RANBP2: variants seen among roughly 807,000 people sequenced by gnomAD.
The protein encoded by RANBP2 is RAN binding protein 2.
A neutral mutation model predicts 303.6 loss-of-function variants in RANBP2; 57 were observed. That is an observed-to-expected ratio of 0.19 (90% confidence interval 0.15 to 0.23). RANBP2 has a LOEUF of 0.23. RANBP2 is among the 10% of genes least tolerant of loss of function. RANBP2 has a pLI of 1.00. For missense variants in RANBP2, 3,138 were observed against 3,780.8 expected, an observed-to-expected ratio of 0.83 and a Z score of 4.46; for synonymous variants, 1,167 against 1,301.5, an observed-to-expected ratio of 0.90 and a Z score of 2.23.
At chr2:109,430,676 C>G in the RANBP2 span, among the ~76,000 whole-genome samples, 8 of 152,194 alleles carry the variant, frequency 5.3e-5, no homozygotes, top group African/African-American at 1.9e-4. Context: ...GGTATTTCCT[C>G]TATGGTGATG....
the RANBP2 span, among the ~76,000 whole-genome samples, chr2:108,893,216 C>CCTGT: frequency 0.87 from 132,655 of 151,896 alleles, 58,290 homozygotes; most frequent in East Asian, 1. Context: ...TTTTAAACTT[C>CCTGT]CTGTTACTTG....
At chr2:109,420,994 T>G in the RANBP2 span, among the ~76,000 whole-genome samples, 1 of 152,222 alleles carries the variant, frequency 6.6e-6, no homozygotes, top group Admixed American at 6.5e-5. Context: ...TCCAGATGCC[T>G]TGAGACTGAT....
the RANBP2 span, among the ~76,000 whole-genome samples, chr2:109,344,397 G>A: frequency 1.3e-5 from 2 of 152,220 alleles, no homozygotes; most frequent in Admixed American, 6.5e-5. Flanking sequence ...AGCCCTGCAT[G>A]TTCCAGGTTC....
chr2:109,552,681 T>G, the RANBP2 span: 158 of 179,518 alleles, frequency 8.8e-4, no homozygotes, highest in Non-Finnish European at 1.3e-3. Flanking sequence ...AAACATCCAG[T>G]CGTGTTTCTT....
the RANBP2 span, among the ~76,000 whole-genome samples, chr2:109,594,301 G>A: frequency 6.6e-6 from 1 of 152,130 alleles, no homozygotes; most frequent in East Asian, 1.9e-4. Context: ...GTGTCAATGA[G>A]AATACAGTGC....
At chr2:109,633,053 A>T in the RANBP2 span, among the ~76,000 whole-genome samples, 2 of 152,086 alleles carry the variant, frequency 1.3e-5, no homozygotes, top group Non-Finnish European at 2.9e-5. Context: ...AGGCACATCC[A>T]CTGGAATTTT....
At chr2:109,365,320 C>T in the RANBP2 span, among the ~76,000 whole-genome samples, 1,766 of 152,306 alleles carry the variant, frequency 0.012, 34 homozygotes, top group African/African-American at 0.04. Flanking sequence ...TCAGGCTGTC[C>T]ACACTGAACC....
rs1677501372 is a variant in RANBP2, at chr2:108,771,653, C to G, written c.7850-48C>G. 1.9e-6 allele frequency: 3 copies of G among 1,603,096 alleles called. No homozygotes were observed. The East Asian group carries it at 6.7e-5, about 36-fold the overall frequency. ...TTATTTTCAGTTAGAGTATTAACGT[C>G]AATACTTAATACCTTATCTTTGTCA... On this transcript the variant is annotated intron_variant, in intron 20 of 28. Transcript: ENST00000283195.
chr2:109,081,008 C>G, the RANBP2 span, among the ~76,000 whole-genome samples: 1 of 152,222 alleles, frequency 6.6e-6, no homozygotes, highest in Non-Finnish European at 1.5e-5. Flanking sequence ...ATCCACTATG[C>G]TAGCTACCAG....
At chr2:108,815,591 G>A in the RANBP2 span, among the ~76,000 whole-genome samples, 12 of 147,700 alleles carry the variant, frequency 8.1e-5, no homozygotes, top group Admixed American at 2.1e-4. Context: ...TCAGCCTTCC[G>A]AGTAGCTGGG....
the RANBP2 span, among the ~76,000 whole-genome samples, chr2:108,838,159 C>T: frequency 2.0e-5 from 3 of 152,124 alleles, no homozygotes; most frequent in South Asian, 6.2e-4. Flanking sequence ...ATACAAGGGC[C>T]AGATAGAAGG....
At chr2:109,712,882 C>T in the RANBP2 span, among the ~76,000 whole-genome samples, 1 of 152,194 alleles carries the variant, frequency 6.6e-6, no homozygotes, top group South Asian at 2.1e-4. Flanking sequence ...TAAAGCAAGT[C>T]TCATGGGTCC....
chr2:109,658,176 G>T, the RANBP2 span, among the ~76,000 whole-genome samples: 1 of 151,898 alleles, frequency 6.6e-6, no homozygotes, highest in Non-Finnish European at 1.5e-5. Flanking sequence ...CAGCCGGGGC[G>T]GTGGCTCATG....
At chr2:108,980,571 A>G in the RANBP2 span, among the ~76,000 whole-genome samples, 1 of 152,100 alleles carries the variant, frequency 6.6e-6, no homozygotes, top group East Asian at 1.9e-4. Context: ...TAAGTCGTTG[A>G]GTGGACACTG....
chr2:109,558,969 T>G, the RANBP2 span, among the ~76,000 whole-genome samples: 1 of 152,036 alleles, frequency 6.6e-6, no homozygotes, highest in South Asian at 2.1e-4. Flanking sequence ...CACTGCAGCC[T>G]CCACCTCCTG....
chr2:109,199,618 G>GC, the RANBP2 span, among the ~76,000 whole-genome samples: 2 of 232 alleles, frequency 8.6e-3, no homozygotes, highest in Non-Finnish European at 0.019. Context: ...GGAATGGAAT[G>GC]GAATGGAATG....
the RANBP2 span, among the ~76,000 whole-genome samples, chr2:109,210,303 T>C: frequency 6.6e-6 from 1 of 152,256 alleles, no homozygotes; most frequent in Non-Finnish European, 1.5e-5. Context: ...TGCTTTGAGT[T>C]TTTTTGAGTA....
the RANBP2 span, among the ~76,000 whole-genome samples, chr2:109,258,483 A>C: frequency 2.6e-5 from 4 of 152,186 alleles, no homozygotes; most frequent in African/African-American, 9.7e-5. Flanking sequence ...CACACCTACC[A>C]GGGCCAATCC....
chr2:109,337,884 C>T, the RANBP2 span, among the ~76,000 whole-genome samples: 2 of 151,916 alleles, frequency 1.3e-5, no homozygotes, highest in Admixed American at 6.5e-5. Flanking sequence ...TGCACCACCA[C>T]GCCTGGCTAA....
Sources: allele counts gnomAD v4.1 joint callset (sites outside exome capture counted in the v4.1 genomes callset), GRCh38; gene constraint gnomAD v4.1.1; transcripts MANE v1.5; gene names NCBI Gene and HGNC (gene_info 2026-07-23, HGNC 2026-07-21).